CCNI: variants seen among roughly 807,000 people sequenced by gnomAD.
CCNI encodes cyclin-I.
A neutral mutation model predicts 34.1 loss-of-function variants in CCNI; 14 were observed. The ratio of observed to expected loss-of-function variants is 0.41; its 90% confidence interval spans 0.27 to 0.64. CCNI has a LOEUF of 0.64. CCNI is among the 30% of genes least tolerant of loss of function. CCNI has a pLI of 0.31. For missense variants in CCNI, 385 were observed against 440.5 expected (o/e 0.87, Z 1.13); for synonymous variants, 154 against 158.4 (o/e 0.97, Z 0.21).
At chr4:77,069,972 T>C (rs1233750690) in intron 1 of CCNI, among the ~76,000 whole-genome samples, 1 of 151,810 alleles carries the variant, frequency 6.6e-6, no homozygotes, top group Non-Finnish European at 1.5e-5. Flanking sequence ...TTGCCTCTTC[T>C]AAATTAGCTT....
intron 1 of CCNI, among the ~76,000 whole-genome samples, chr4:77,068,582 A>G (rs1381183865): frequency 6.6e-6 from 1 of 152,216 alleles, no homozygotes; most frequent in Non-Finnish European, 1.5e-5. Context: ...AGAAAGGCCT[A>G]GCGTAGGAGA....
At chr4:77,063,706 T>C (rs896635009) in intron 2 of CCNI, among the ~76,000 whole-genome samples, 2 of 143,934 alleles carry the variant, frequency 1.4e-5, no homozygotes. Flanking sequence ...AAAAAAAAAA[T>C]AGAATAGAGA....
chr4:77,050,701 G>A (rs1727765464), intron 6 of CCNI, among the ~76,000 whole-genome samples: 1 of 152,052 alleles, frequency 6.6e-6, no homozygotes, highest in African/African-American at 2.4e-5. Flanking sequence ...ACTTAAGATA[G>A]TCCCTGAACT....
intron 6 of CCNI, among the ~76,000 whole-genome samples, chr4:77,051,055 T>C (rs576141321): frequency 2.0e-5 from 3 of 152,296 alleles, no homozygotes; most frequent in African/African-American, 7.2e-5. Context: ...CTTTAAATCA[T>C]CCCTAGATTA....
At chr4:77,063,053 C>CT (rs973700708) in intron 2 of CCNI, among the ~76,000 whole-genome samples, 13 of 152,100 alleles carry the variant, frequency 8.5e-5, no homozygotes, top group Non-Finnish European at 1.8e-4. Context: ...AATTATAATA[C>CT]TTTGTGCTGT....
At chr4:77,061,731 G>C (rs576742622) in intron 2 of CCNI, among the ~76,000 whole-genome samples, 1 of 151,954 alleles carries the variant, frequency 6.6e-6, no homozygotes, top group East Asian at 1.9e-4. Flanking sequence ...GTGCAGTGGC[G>C]CAATCTTGGC....
intron 2 of CCNI, chr4:77,065,088 T>C (rs550508640): frequency 9.8e-5 from 15 of 152,294 alleles, no homozygotes; most frequent in Admixed American, 8.5e-4. Context: ...ATATAAACAC[T>C]CCTCATTCAA....
At chr4:77,055,464 C>CTTT (rs11378505) in intron 5 of CCNI, 84 bp from the exon 6 acceptor site, 9,846 of 670,232 alleles carry the variant, frequency 0.015, 47 homozygotes, top group East Asian at 0.044. Context: ...TATTCAATTT[C>CTTT]TTTTTTTTTT....
chr4:77,068,197 C>T (rs1362001004), intron 1 of CCNI, among the ~76,000 whole-genome samples: 1 of 151,498 alleles, frequency 6.6e-6, no homozygotes, highest in African/African-American at 2.4e-5. Flanking sequence ...AACAAACAAA[C>T]AAAAAAGAAT....
intron 2 of CCNI, chr4:77,065,013 A>G (rs1036105049): frequency 6.6e-6 from 1 of 152,210 alleles, no homozygotes; most frequent in African/African-American, 2.4e-5. Context: ...TAAAGTCTTG[A>G]GCAAATTGGG....
At chr4:77,074,632 C>G (rs1410293538) in intron 1 of CCNI, among the ~76,000 whole-genome samples, 2 of 152,164 alleles carry the variant, frequency 1.3e-5, no homozygotes, top group East Asian at 3.8e-4. Flanking sequence ...TTGCAAGCCA[C>G]TTAGGAGAAT....
Position 77,048,215 on chromosome 4 carries a change from G to A in CCNI, c.*4C>T, listed in dbSNP as rs756112120. On this transcript the variant is annotated 3_prime_UTR_variant, in exon 7 of 7. Transcript: ENST00000237654. ...TTTACACTCAAAGGTAGCACTTGTT[G>A]AAACTACATGACAGAAACAGGCTGC... 110 of 1,609,218 alleles carry A rather than the reference G, an allele frequency of 6.8e-5. No individual in the cohort carries two copies. The East Asian group carries it at 1.9e-3, about 27-fold the overall frequency.
At chr4:77,057,280 T>G (rs1216968854) in intron 3 of CCNI, among the ~76,000 whole-genome samples, 1 of 152,172 alleles carries the variant, frequency 6.6e-6, no homozygotes, top group East Asian at 1.9e-4. Flanking sequence ...AGTGAACACA[T>G]TGTTGTAGTT....
At chr4:77,049,109 C>CA (rs943915717) in intron 6 of CCNI, among the ~76,000 whole-genome samples, 29 of 145,388 alleles carry the variant, frequency 2.0e-4, no homozygotes, top group African/African-American at 2.8e-4. Context: ...AGCCAAAGGG[C>CA]AAAAAAAAAA....
chr4:77,051,551 TCCACC>T (rs1183955237), intron 6 of CCNI, among the ~76,000 whole-genome samples: 4 of 152,178 alleles, frequency 2.6e-5, no homozygotes, highest in Non-Finnish European at 5.9e-5. Context: ...GAACTCCACT[TCCACC>T]CAAGTCCCAA....
chr4:77,074,000 T>C (rs1196041286), intron 1 of CCNI, among the ~76,000 whole-genome samples: 4 of 152,088 alleles, frequency 2.6e-5, no homozygotes, highest in African/African-American at 7.2e-5. Flanking sequence ...AAGCCCTTTT[T>C]TTCTAGTTTT....
intron 1 of CCNI, among the ~76,000 whole-genome samples, chr4:77,069,577 T>C (rs1220554640): frequency 6.9e-6 from 1 of 143,958 alleles, no homozygotes; most frequent in South Asian, 2.4e-4. Flanking sequence ...CTCCTAATGC[T>C]ATCCCTCCCC....
intron 1 of CCNI, among the ~76,000 whole-genome samples, chr4:77,073,785 G>A (rs1223571473): frequency 6.6e-6 from 1 of 152,114 alleles, no homozygotes; most frequent in Admixed American, 6.6e-5. Flanking sequence ...ACATTTAGTT[G>A]CTTTGAGACT....
Position 77,055,285 on chromosome 4 carries a change from T to C in CCNI, c.555A>G (p.Leu185=), listed in dbSNP as rs190206855. The change falls in exon 6 of 7, where the codon CTA becomes CTG. Residue 185 remains leucine, a synonymous_variant. Transcript: ENST00000237654. ...SQHLAVLTKQ[L]LHCMACNQLL... ...GTTGGTTGCAGGCCATACAGTGAAG[T>C]AGTTGCTTGGTAAGGACTGCCAAAT... 19 of 1,614,156 alleles carry C rather than the reference T, an allele frequency of 1.2e-5. No individual in the cohort carries two copies. The highest frequency in any genetic ancestry group is 2.2e-5 in the East Asian group (1 of 44,882).
Sources: allele counts gnomAD v4.1 joint callset (sites outside exome capture counted in the v4.1 genomes callset), GRCh38; gene constraint gnomAD v4.1.1; transcripts MANE v1.5; gene names NCBI Gene and HGNC (gene_info 2026-07-23, HGNC 2026-07-21).